PRR11: variants seen among roughly 807,000 people sequenced by gnomAD.
The protein encoded by PRR11 is proline-rich protein 11.
Under a neutral mutation model 45.6 loss-of-function variants are expected in PRR11, and 30 were observed. That is an observed-to-expected ratio of 0.66 (90% CI 0.49 to 0.89). The LOEUF (loss-of-function observed/expected upper bound fraction) is 0.89. PRR11 is among the 40% of genes least tolerant of loss of function. The pLI is 0.00. For missense variants in PRR11, 373 were observed against 424.8 expected (o/e 0.88, Z 1.07); for synonymous variants, 128 against 153.5 (o/e 0.83, Z 1.23).
At chr17:59,181,519 C>T in intron 2 of PRR11, 1 of 1,165,368 alleles carries the variant, frequency 8.6e-7, no homozygotes, top group Non-Finnish European at 1.2e-6. Flanking sequence ...ACCAAGCAGC[C>T]TGTTGAAGTC....
intron 1 of PRR11, among the ~76,000 whole-genome samples, chr17:59,164,519 G>C (rs930856907): frequency 2.0e-5 from 3 of 151,990 alleles, no homozygotes; most frequent in Non-Finnish European, 4.4e-5. Context: ...AAAAGAATGG[G>C]GGAGGACTGT....
Position 59,185,536 on chromosome 17 carries a change from T to TTA in PRR11, c.378_379dup (p.Cys127TyrfsTer8). The stretch of plus-strand genomic sequence containing the variant: ...ACAGTTTTGCATTTTGGAAAGTAAA[T>TTA]TATGCAAGCTCCAGGAAGCACTGAA... On this transcript the variant is annotated frameshift_variant, in exon 4 of 10. Coordinates refer to ENST00000262293, the MANE Select transcript of PRR11 (RefSeq NM_018304.4). LOFTEE classifies it high-confidence loss of function. 6.2e-7 allele frequency: 1 copy of TTA among 1,610,534 alleles called. No homozygotes were observed. Among genetic ancestry groups the TTA allele is most frequent in the South Asian group, 1.1e-5 (1 of 90,716 alleles).
chr17:59,156,108 C>A (rs772819939), intron 1 of PRR11, among the ~76,000 whole-genome samples: 2 of 152,204 alleles, frequency 1.3e-5, no homozygotes, highest in Non-Finnish European at 2.9e-5. Flanking sequence ...TCAGCGGCAT[C>A]CGCATCTCTT....
rs2046893374 is a variant in PRR11, at chr17:59,201,680, A to G, written c.*49A>G. 1.3e-6 allele frequency: 2 copies of G among 1,586,610 alleles called. No homozygotes were observed. Among genetic ancestry groups the G allele is most frequent in the East Asian group, 4.5e-5 (2 of 44,726 alleles). On this transcript the variant is annotated 3_prime_UTR_variant, in exon 10 of 10. Transcript: ENST00000262293. Reference sequence around the variant, plus strand: ...AGATGATCCATAACAAATACAGATAAAAACACCCAGCTGGGTGCAGTGGCT... The same window carrying G: ...AGATGATCCATAACAAATACAGATAGAAACACCCAGCTGGGTGCAGTGGCT...
chr17:59,165,069 A>G (rs1027776572), intron 1 of PRR11, among the ~76,000 whole-genome samples: 1 of 151,920 alleles, frequency 6.6e-6, no homozygotes, highest in Admixed American at 6.6e-5. Flanking sequence ...CGCCCACGCT[A>G]GAGTGCAGTG....
At chr17:59,173,031 T>G (rs182493571) in intron 2 of PRR11, among the ~76,000 whole-genome samples, 7 of 152,330 alleles carry the variant, frequency 4.6e-5, no homozygotes, top group African/African-American at 1.4e-4. Context: ...TAAGGGATTG[T>G]GAATGCACCA....
rs1390285556 is a variant in PRR11 at position 59,204,124 on chromosome 17, TG to T, written c.*2495del. 1 of 152,080 alleles carries T rather than the reference TG, an allele frequency of 6.6e-6. No individual in the cohort carries two copies. The highest frequency in any genetic ancestry group is 1.5e-5 in the Non-Finnish European group (1 of 68,048). 9.4% of individuals were successfully genotyped at this position (152,080 alleles called of 1,614,324 possible). A position where few individuals can be genotyped will look rare whatever the true frequency, so the allele number is the denominator to read the frequency against. ...AAAAAAATGCTAGGGCCGGGCACCATGGCTCACGCCTGTAATCCCAGGACTT... is the reference window on the plus strand; with the variant it reads ...AAAAAAATGCTAGGGCCGGGCACCATGCTCACGCCTGTAATCCCAGGACTT... On this transcript the variant is annotated 3_prime_UTR_variant, in exon 10 of 10. Transcript: ENST00000262293.
intron 1 of PRR11, among the ~76,000 whole-genome samples, chr17:59,160,001 T>C (rs2046643681): frequency 6.6e-6 from 1 of 152,172 alleles, no homozygotes; most frequent in Non-Finnish European, 1.5e-5. Flanking sequence ...ATGTGTCTTA[T>C]TCATTTTCAT....
intron 1 of PRR11, among the ~76,000 whole-genome samples, chr17:59,161,448 A>G (rs927662541): frequency 6.6e-6 from 1 of 150,694 alleles, no homozygotes; most frequent in East Asian, 1.9e-4. Flanking sequence ...AAAAAAAAAA[A>G]CACACACACA....
chr17:59,199,661 GA>G (rs1395264306), intron 9 of PRR11, among the ~76,000 whole-genome samples: 2 of 152,198 alleles, frequency 1.3e-5, no homozygotes, highest in Non-Finnish European at 2.9e-5. Flanking sequence ...CTTTGGCTTT[GA>G]AGTTTATAGT....
intron 4 of PRR11, among the ~76,000 whole-genome samples, chr17:59,186,020 G>A (rs952338480): frequency 1.3e-5 from 2 of 152,134 alleles, no homozygotes; most frequent in South Asian, 2.1e-4. Flanking sequence ...AAATGAGGGA[G>A]CCATCCATAA....
intron 1 of PRR11, among the ~76,000 whole-genome samples, chr17:59,159,653 C>T (rs548140235): frequency 1.3e-5 from 2 of 152,200 alleles, no homozygotes; most frequent in African/African-American, 4.8e-5. Flanking sequence ...CTTCATCACT[C>T]ATTGCCCCCT....
intron 4 of PRR11, among the ~76,000 whole-genome samples, chr17:59,189,336 T>G (rs1487249011): frequency 9.8e-6 from 1 of 101,722 alleles, no homozygotes; most frequent in East Asian, 3.6e-4. Flanking sequence ...AATAGAATAA[T>G]TTTTTTTGTT....
chr17:59,195,169 A>G (rs959079206), intron 6 of PRR11, among the ~76,000 whole-genome samples, 162 bp from the exon 7 acceptor site: 1 of 152,192 alleles, frequency 6.6e-6, no homozygotes, highest in African/African-American at 2.4e-5. Context: ...CCTTAGTCTG[A>G]AGAGGTAGAG....
At chr17:59,180,260 A>G (rs2046774589) in intron 2 of PRR11, among the ~76,000 whole-genome samples, 1 of 149,600 alleles carries the variant, frequency 6.7e-6, no homozygotes, top group African/African-American at 2.5e-5. Context: ...CCTCCCAAGT[A>G]GCTGGGATTA....
chr17:59,166,011 T>A (rs2046678372), intron 1 of PRR11, among the ~76,000 whole-genome samples: 1 of 152,190 alleles, frequency 6.6e-6, no homozygotes, highest in Non-Finnish European at 1.5e-5. Flanking sequence ...TCCAATTAGA[T>A]GTTATCAGGA....
At chr17:59,184,365 G>T (rs2046803199) in intron 2 of PRR11, among the ~76,000 whole-genome samples, 1 of 152,134 alleles carries the variant, frequency 6.6e-6, no homozygotes, top group African/African-American at 2.4e-5. Flanking sequence ...CAGGAGCGGG[G>T]ACTGGAGAAT....
intron 2 of PRR11, chr17:59,179,954 C>A: frequency 3.2e-6 from 4 of 1,233,088 alleles, no homozygotes; most frequent in Middle Eastern, 2.8e-4. Flanking sequence ...AAACGCCAAA[C>A]CACTCTCCAT....
At chr17:59,161,133 A>G (rs1315571121) in intron 1 of PRR11, among the ~76,000 whole-genome samples, 1 of 152,194 alleles carries the variant, frequency 6.6e-6, no homozygotes, top group African/African-American at 2.4e-5. Flanking sequence ...TAGGCCAGGC[A>G]TGGTGGCTCA....
Sources: gnomAD v4.1 joint callset for allele counts (sites outside exome capture counted in the v4.1 genomes callset) on GRCh38, gnomAD v4.1.1 for gene constraint, MANE v1.5 for transcripts, NCBI Gene and HGNC (gene_info 2026-07-23, HGNC 2026-07-21) for gene names.